The following CCL24 variants were observed in gnomAD, a reference collection of about 807,000 sequenced individuals.
CCL24 encodes C-C motif chemokine ligand 24, also known as C-C motif chemokine 24.
CCL24 carries 6 observed loss-of-function variants against 8.6 expected under a neutral mutation model. That is an observed-to-expected ratio of 0.70 (90% CI 0.38 to 1.38). The LOEUF (loss-of-function observed/expected upper bound fraction) is 1.38, where lower values mean the gene tolerates loss of function less well. CCL24 is among the 40% of genes most tolerant of loss of function. The pLI is 0.02. For missense variants in CCL24, 126 were observed against 147.1 expected, an observed-to-expected ratio of 0.86 and a Z score of 0.74; for synonymous variants, 59 against 52.7, an observed-to-expected ratio of 1.12 and a Z score of -0.52.
At chr7:75,817,010 G>A (rs1413035330), upstream of CCL24, among the ~76,000 whole-genome samples, 1 of 151,770 alleles carries the variant, frequency 6.6e-6, no homozygotes, top group Middle Eastern at 3.2e-3. Context: ...GACTACAGGT[G>A]CACGCCACCA....
intron 2 of CCL24, 134 bp from the exon 3 acceptor site, chr7:75,812,098 A>AT: frequency 1.5e-6 from 1 of 676,236 alleles, no homozygotes. Flanking sequence ...TGTCATCTTC[A>AT]TTTTTTGACA....
In CCL24 at chr7:75,811,513, G is replaced by C. The variant is rs149282203; in HGVS notation, c.*283C>G. The stretch of plus-strand genomic sequence containing the variant: ...AAAAAAAGAAAAAGCATCAGAACCA[G>C]GTCAGGAGGAGAAGGCAAAGAGTTG... On this transcript the variant is annotated 3_prime_UTR_variant, in exon 3 of 3. Coordinates refer to ENST00000222902, the MANE Select transcript of CCL24 (RefSeq NM_002991.3). 6.6e-6 allele frequency among the ~76,000 whole-genome samples: 1 copy of C among 151,836 alleles called. No individual in the cohort carries two copies. The highest frequency in any genetic ancestry group is 1.9e-4 in the East Asian group (1 of 5,164).
At chr7:75,811,999 CG>C (rs1563349961) in intron 2 of CCL24, 35 bp from the exon 3 acceptor site, 1 of 1,591,320 alleles carries the variant, frequency 6.3e-7, no homozygotes, top group Non-Finnish European at 8.6e-7. Context: ...CAGCTGAGGT[CG>C]ACAGGGACCT....
upstream of CCL24, among the ~76,000 whole-genome samples, chr7:75,815,864 A>C (rs1803879238): frequency 6.6e-6 from 1 of 152,198 alleles, no homozygotes; most frequent in South Asian, 2.1e-4. Flanking sequence ...AATTGATCAC[A>C]GGTTCATATT....
At chr7:75,818,745 G>A (rs1803949213), upstream of CCL24, among the ~76,000 whole-genome samples, 1 of 152,032 alleles carries the variant, frequency 6.6e-6, no homozygotes, top group Admixed American at 6.6e-5. Flanking sequence ...GAGGCTCTTA[G>A]AACCCCTGAT....
intron 1 of CCL24, among the ~76,000 whole-genome samples, chr7:75,819,755 G>A (rs782174625): frequency 1.3e-4 from 20 of 152,058 alleles, no homozygotes; most frequent in Non-Finnish European, 2.6e-4. Flanking sequence ...AAAAAATCCT[G>A]TGTCTTCTTA....
At chr7:75,816,878 AAT>A (rs1281469393), upstream of CCL24, among the ~76,000 whole-genome samples, 1 of 124,696 alleles carries the variant, frequency 8.0e-6, no homozygotes, top group Admixed American at 8.4e-5. Flanking sequence ...AAAAAAAAAA[AAT>A]TTGAGACAAG....
At position 75,811,858 on chromosome 7, in the gene CCL24, C is replaced by T. The variant is rs948312212; in HGVS notation, c.298G>A (p.Ala100Thr). The T allele has an allele frequency of 6.2e-7, 1 of 1,612,880 alleles. No individual in the cohort carries two copies. Residue 100 changes from alanine (A) to threonine (T), a missense_variant, in exon 3 of 3, where the codon GCC becomes ACC. Ala to Thr is a moderately conservative substitution (Grantham distance 58, BLOSUM62 0). Coordinates refer to ENST00000222902, the MANE Select transcript of CCL24 (RefSeq NM_002991.3). ...DAKQKKASPR[A>T]RAVAVKGPVQ... is the part of the protein sequence containing the mutation. ...GGGCCCTTGACAGCCACTGCCCTGGCCCTAGGGGAAGCCTTCTTCTGCTTG... is the reference window on the plus strand; with the variant it reads ...GGGCCCTTGACAGCCACTGCCCTGGTCCTAGGGGAAGCCTTCTTCTGCTTG...
intron 1 of CCL24, among the ~76,000 whole-genome samples, chr7:75,819,296 AAAAAAAAATATATATATATATATATAT>A (rs1803969518): frequency 8.2e-5 from 2 of 24,282 alleles, no homozygotes; most frequent in African/African-American, 1.3e-4. Context: ...AAAAAAAAAA[AAAAAAAAATATATATATATATATATAT>A]ATATATATAT....
At chr7:75,815,258 G>A (rs1380492651), upstream of CCL24, among the ~76,000 whole-genome samples, 2 of 151,714 alleles carry the variant, frequency 1.3e-5, no homozygotes, top group Non-Finnish European at 2.9e-5. Flanking sequence ...AGGATCACTT[G>A]AGCCTAGGAG....
intron 1 of CCL24, among the ~76,000 whole-genome samples, chr7:75,820,235 A>G (rs1259747625): frequency 6.7e-6 from 1 of 149,562 alleles, no homozygotes; most frequent in African/African-American, 2.5e-5. Flanking sequence ...CGTCCAGGCA[A>G]CAGCACAATC....
In CCL24 at chr7:75,811,506, A is replaced by C. The variant is rs1257952071; in HGVS notation, c.*290T>G. Among the ~76,000 whole-genome samples the C allele has an allele frequency of 1.3e-5, 2 of 151,734 alleles. No homozygotes were observed. The highest frequency in any genetic ancestry group is 2.9e-5 in the Non-Finnish European group (2 of 67,928). The stretch of plus-strand genomic sequence containing the variant: ...AAAAAAAAAAAAAAGAAAAAGCATC[A>C]GAACCAGGTCAGGAGGAGAAGGCAA... On this transcript the variant is annotated 3_prime_UTR_variant, in exon 3 of 3. Coordinates refer to ENST00000222902, the MANE Select transcript of CCL24 (RefSeq NM_002991.3).
At chr7:75,819,280 A>AT (rs1803961458) in intron 1 of CCL24, among the ~76,000 whole-genome samples, 2 of 25,434 alleles carry the variant, frequency 7.9e-5, no homozygotes, top group African/African-American at 3.4e-4. Flanking sequence ...AAAAAAAAAA[A>AT]AAAAAAAAAA....
At chr7:75,817,381 T>G (rs951577107), upstream of CCL24, among the ~76,000 whole-genome samples, 2 of 151,920 alleles carry the variant, frequency 1.3e-5, no homozygotes, top group Non-Finnish European at 2.9e-5. Flanking sequence ...GCCATCCCCA[T>G]GTTGCAACAG....
intron 1 of CCL24, among the ~76,000 whole-genome samples, chr7:75,820,226 G>A (rs561201153): frequency 5.9e-4 from 87 of 147,436 alleles, no homozygotes; most frequent in Admixed American, 1.1e-3. Flanking sequence ...TTGCTTTGTC[G>A]TCCAGGCAAC....
At chr7:75,814,426 C>T (rs544605590), upstream of CCL24, among the ~76,000 whole-genome samples, 2 of 152,102 alleles carry the variant, frequency 1.3e-5, no homozygotes, top group African/African-American at 4.8e-5. Flanking sequence ...ATTAGCCAGG[C>T]GTGGTGGTGC....
chr7:75,815,649 C>T (rs376054869), upstream of CCL24, among the ~76,000 whole-genome samples: 12 of 152,214 alleles, frequency 7.9e-5, 1 homozygote, highest in South Asian at 1.9e-3. Flanking sequence ...TTGTAAGGGA[C>T]TGAGGCAACT....
chr7:75,816,150 C>G (rs1379070346), upstream of CCL24, among the ~76,000 whole-genome samples: 27 of 152,188 alleles, frequency 1.8e-4, no homozygotes, highest in Non-Finnish European at 1.5e-5. Context: ...AAGTGCCGAG[C>G]AAATCACCTG....
chr7:75,813,986 G>A (rs1554533809), upstream of CCL24, among the ~76,000 whole-genome samples: 3 of 152,136 alleles, frequency 2.0e-5, no homozygotes, highest in African/African-American at 7.2e-5. Context: ...AACTGGGGGA[G>A]GGGACATCAC....
Sources: allele counts gnomAD v4.1 joint callset (sites outside exome capture counted in the v4.1 genomes callset), GRCh38; gene constraint gnomAD v4.1.1; transcripts MANE v1.5; gene names NCBI Gene and HGNC (gene_info 2026-07-23, HGNC 2026-07-21).